The following ASCC3 variants were observed in gnomAD, a reference collection of about 807,000 sequenced individuals.
ASCC3 encodes the protein ASC-1 complex subunit P200.
ASCC3 carries 158 observed loss-of-function variants against 256.3 expected under a neutral mutation model. That is an observed-to-expected ratio of 0.62 (90% confidence interval 0.54 to 0.70). The LOEUF is 0.70. Among genes scored for constraint, ASCC3 ranks in the 30% least tolerant of loss-of-function variants. The pLI is 0.00. For missense variants in ASCC3, 2,259 were observed against 2,626.0 expected, an observed-to-expected ratio of 0.86 and a Z score of 3.05; for synonymous variants, 948 against 883.4, an observed-to-expected ratio of 1.07 and a Z score of -1.30.
At chr6:100,607,560 C>T (rs1772962346) in intron 30 of ASCC3, among the ~76,000 whole-genome samples, 1 of 151,926 alleles carries the variant, frequency 6.6e-6, no homozygotes, top group African/African-American at 2.4e-5. Context: ...AACTTATTGG[C>T]CCTGAACAAG....
chr6:100,798,770 G>A lies in ASCC3; in HGVS notation c.1338C>T (p.Ser446=), dbSNP rs755447540. The change falls in exon 8 of 42, where the codon AGC becomes AGT. Residue 446 remains serine, a synonymous_variant. Transcript: ENST00000369162. ...KLYEEVRIPY[S]EPMPLSFEEK... ...CCTCAAAGCTGAGTGGCATTGGTTC[G>A]CTGTAGGGAATCCTTACTTCTTCAT... 9.9e-6 allele frequency: 16 copies of A among 1,612,838 alleles called. No individual in the cohort carries two copies. The highest frequency in any genetic ancestry group is 3.3e-4 in the Middle Eastern group (2 of 6,072).
chr6:100,542,781 T>C (rs1419840681), intron 36 of ASCC3, among the ~76,000 whole-genome samples: 1 of 151,908 alleles, frequency 6.6e-6, no homozygotes, highest in African/African-American at 2.4e-5. Flanking sequence ...TTTTCAAACA[T>C]ACAAAAGCTG....
At chr6:100,639,215 T>C (rs879934386) in intron 24 of ASCC3, among the ~76,000 whole-genome samples, 2 of 152,244 alleles carry the variant, frequency 1.3e-5, no homozygotes, top group Non-Finnish European at 1.5e-5. Context: ...GAATTACTTT[T>C]GTTCTGTTAG....
intron 10 of ASCC3, among the ~76,000 whole-genome samples, chr6:100,761,017 A>G (rs187503371): frequency 1.3e-5 from 2 of 152,318 alleles, no homozygotes; most frequent in Admixed American, 1.3e-4. Flanking sequence ...AAAGAAATTT[A>G]CATCTAGGCA....
chr6:100,745,826 G>T (rs973312599), intron 10 of ASCC3, among the ~76,000 whole-genome samples: 1 of 152,082 alleles, frequency 6.6e-6, no homozygotes, highest in Non-Finnish European at 1.5e-5. Context: ...TTTAATAAAT[G>T]AGGGATACGT....
intron 36 of ASCC3, among the ~76,000 whole-genome samples, chr6:100,574,180 C>A (rs1770742415): frequency 6.6e-6 from 1 of 152,126 alleles, no homozygotes; most frequent in Admixed American, 6.6e-5. Context: ...TCCCCACGTG[C>A]ACTGACTATT....
chr6:100,723,897 TTTATA>T lies in ASCC3; in HGVS notation c.1902+1637_1902+1641del, dbSNP rs1234738398. Among the ~76,000 whole-genome samples the T allele has an allele frequency of 1.9e-3, 236 of 121,060 alleles. 2 individuals carry two copies. The highest frequency in any genetic ancestry group is 3.1e-3 in the African/African-American group (104 of 33,074). 79.4% of individuals were successfully genotyped at this position (121,060 alleles called of 152,430 possible). On this transcript the variant is annotated intron_variant, in intron 11 of 41. Transcript: ENST00000369162. ...ATATATATATATATATATATATATA[TTTATA>T]ATTATATATATGACACATATATATA...
chr6:100,632,077 A>G lies in ASCC3; in HGVS notation c.4123-864T>C, dbSNP rs563497896. Reference sequence around the variant, plus strand: ...AATTAAGAACAAGAAAACTCTAAATACTACATAAAAAAACTGTTAGAATTA... The same window carrying G: ...AATTAAGAACAAGAAAACTCTAAATGCTACATAAAAAAACTGTTAGAATTA... On this transcript the variant is annotated intron_variant, in intron 25 of 41. Coordinates refer to ENST00000369162, the MANE Select transcript of ASCC3 (RefSeq NM_006828.4). Among the ~76,000 whole-genome samples the G allele has an allele frequency of 9.2e-5, 14 of 151,680 alleles. No homozygotes were observed. The South Asian group carries it at 1.5e-3, about 16-fold the overall frequency.
intron 8 of ASCC3, among the ~76,000 whole-genome samples, chr6:100,775,625 A>G (rs1043054384): frequency 4.6e-5 from 7 of 152,248 alleles, no homozygotes; most frequent in Non-Finnish European, 8.8e-5. Context: ...ATATATATAC[A>G]TCACTATCAA....
intron 3 of ASCC3, among the ~76,000 whole-genome samples, chr6:100,854,571 T>C (rs1582967132): frequency 6.6e-6 from 1 of 152,270 alleles, no homozygotes; most frequent in East Asian, 1.9e-4. Context: ...AGATTAAAAA[T>C]AGTTCAAGGC....
At chr6:100,577,311 T>C (rs894938073) in intron 36 of ASCC3, among the ~76,000 whole-genome samples, 1 of 152,052 alleles carries the variant, frequency 6.6e-6, no homozygotes, top group Admixed American at 6.6e-5. Flanking sequence ...AACCTCCTAC[T>C]AACTGTGAAA....
chr6:100,544,518 T>C (rs1775614248), intron 36 of ASCC3, among the ~76,000 whole-genome samples: 3 of 151,388 alleles, frequency 2.0e-5, no homozygotes, highest in South Asian at 2.1e-4. Context: ...AAATAATAAT[T>C]AAAAAATAAT....
At position 100,800,365 on chromosome 6, in the gene ASCC3, A is replaced by T; in HGVS notation, c.1062T>A (p.Ala354=). The change falls in exon 6 of 42, where the codon GCT becomes GCA. Residue 354 remains alanine (A), a synonymous_variant. Coordinates refer to ENST00000369162, the MANE Select transcript of ASCC3 (RefSeq NM_006828.4). ...EKRIARREKK[A]GEDLEVSEGL... Reference sequence around the variant, plus strand: ...CTTCTGAAACTTCTAAATCTTCTCCAGCCTTTTTTTCTCGTCTGGCAATTC... The same window carrying T: ...CTTCTGAAACTTCTAAATCTTCTCCTGCCTTTTTTTCTCGTCTGGCAATTC... 1 of 1,613,062 alleles carries T rather than the reference A, an allele frequency of 6.2e-7. No individual in the cohort carries two copies. The highest frequency in any genetic ancestry group is 8.5e-7 in the Non-Finnish European group (1 of 1,179,382).
intron 8 of ASCC3, among the ~76,000 whole-genome samples, chr6:100,793,797 G>A (rs1769468795): frequency 2.0e-5 from 3 of 151,836 alleles, no homozygotes; most frequent in Admixed American, 1.3e-4. Context: ...TAGAATGTGG[G>A]ATAGTGAAGA....
chr6:100,625,291 G>C lies in ASCC3; in HGVS notation c.4686C>G (p.Val1562=), dbSNP rs1454432436. 3 of 1,612,804 alleles carry C rather than the reference G, an allele frequency of 1.9e-6. No homozygotes were observed. The African/African-American group carries it at 4.0e-5, about 22-fold the overall frequency. ...TAAGACGAGTTTGACGTCTTGATGA[G>C]ACAAATATCAAAACAGGTTTGGCTG... The part of the protein sequence containing the change: ...HSPAKPVLIF[V]SSRRQTRLTA... The change falls in exon 30 of 42, where the codon GTC becomes GTG. Residue 1562 remains valine, a synonymous_variant. Coordinates refer to ENST00000369162, the MANE Select transcript of ASCC3 (RefSeq NM_006828.4).
rs148059128 is a variant in ASCC3 at position 100,660,029 on chromosome 6, G to A, written c.2703+1777C>T. Among the ~76,000 whole-genome samples the A allele has an allele frequency of 2.6e-4, 40 of 151,642 alleles. No homozygotes were observed. The East Asian group carries it at 7.5e-3, about 29-fold the overall frequency. ...CATGCATTTCATGACGTGCATGAAAGAACCATGCCTTTTACTGTAAGTCAG... is the reference window on the plus strand; with the variant it reads ...CATGCATTTCATGACGTGCATGAAAAAACCATGCCTTTTACTGTAAGTCAG... On this transcript the variant is annotated intron_variant, in intron 16 of 41. Coordinates refer to ENST00000369162, the MANE Select transcript of ASCC3 (RefSeq NM_006828.4).
chr6:100,752,963 T>G (rs987891073), intron 10 of ASCC3, among the ~76,000 whole-genome samples: 1 of 152,132 alleles, frequency 6.6e-6, no homozygotes, highest in East Asian at 1.9e-4. Flanking sequence ...TCCTTCTGTA[T>G]AGTATAATTC....
intron 4 of ASCC3, among the ~76,000 whole-genome samples, chr6:100,819,876 C>A (rs992629445): frequency 3.3e-5 from 5 of 151,630 alleles, no homozygotes; most frequent in Non-Finnish European, 7.4e-5. Context: ...TCAATCCAAT[C>A]AAGTTTACAC....
intron 37 of ASCC3, among the ~76,000 whole-genome samples, chr6:100,523,387 T>C (rs1215774235): frequency 6.6e-6 from 1 of 152,146 alleles, no homozygotes; most frequent in East Asian, 1.9e-4. Flanking sequence ...GACTGTAATA[T>C]CCTTGAGGTT....
Sources: allele counts gnomAD v4.1 joint callset (sites outside exome capture counted in the v4.1 genomes callset), GRCh38; gene constraint gnomAD v4.1.1; transcripts MANE v1.5; gene names NCBI Gene and HGNC (gene_info 2026-07-23, HGNC 2026-07-21).